Variants in PDZRN4 observed in about 807,000 individuals in gnomAD.
PDZRN4 encodes the protein PDZ domain-containing RING finger protein 4.
A neutral mutation model predicts 99.0 loss-of-function variants in PDZRN4; 70 were observed. That is an observed-to-expected ratio of 0.71 (90% CI 0.58 to 0.86). PDZRN4 has a LOEUF of 0.86. PDZRN4 is among the 40% of genes least tolerant of loss of function. The pLI is 0.00. For missense variants in PDZRN4, 1,474 were observed against 1,331.2 expected, an observed-to-expected ratio of 1.11 and a Z score of -1.67; for synonymous variants, 551 against 501.6, an observed-to-expected ratio of 1.10 and a Z score of -1.32.
At chr12:41,216,840 A>T (rs1485452357) in intron 3 of PDZRN4, among the ~76,000 whole-genome samples, 1 of 152,070 alleles carries the variant, frequency 6.6e-6, no homozygotes, top group Non-Finnish European at 1.5e-5. Flanking sequence ...AATAATCACC[A>T]AATCAACCTG....
intron 3 of PDZRN4, among the ~76,000 whole-genome samples, chr12:41,269,059 G>C (rs528367372): frequency 1.2e-4 from 18 of 152,228 alleles, no homozygotes; most frequent in African/African-American, 4.1e-4. Flanking sequence ...TTTAGGTTTA[G>C]CCTAGAGCAA....
At chr12:41,289,349 A>G (rs578072649) in intron 3 of PDZRN4, among the ~76,000 whole-genome samples, 1 of 152,338 alleles carries the variant, frequency 6.6e-6, no homozygotes, top group Non-Finnish European at 1.5e-5. Flanking sequence ...ATAATAGTAC[A>G]TTTTAATCCA....
intron 3 of PDZRN4, among the ~76,000 whole-genome samples, chr12:41,230,025 A>G (rs1376460946): frequency 6.6e-6 from 1 of 151,970 alleles, no homozygotes; most frequent in African/African-American, 2.4e-5. Flanking sequence ...ATTTCCTTAT[A>G]ATTCAACAGT....
At chr12:41,327,447 G>A (rs1951717255) in intron 3 of PDZRN4, among the ~76,000 whole-genome samples, 1 of 152,180 alleles carries the variant, frequency 6.6e-6, no homozygotes, top group Non-Finnish European at 1.5e-5. Context: ...TGTTATCACT[G>A]CTAGAGTATG....
At chr12:41,393,454 A>T (rs1002413661) in intron 3 of PDZRN4, among the ~76,000 whole-genome samples, 1 of 152,020 alleles carries the variant, frequency 6.6e-6, no homozygotes, top group African/African-American at 2.4e-5. Context: ...ATGGCTTTGT[A>T]TGACTTCTTA....
At chr12:41,281,488 G>T (rs1337164582) in intron 3 of PDZRN4, among the ~76,000 whole-genome samples, 1 of 152,162 alleles carries the variant, frequency 6.6e-6, no homozygotes, top group East Asian at 1.9e-4. Context: ...TAGAGTAATT[G>T]CTAACTAGAA....
intron 3 of PDZRN4, among the ~76,000 whole-genome samples, chr12:41,298,967 C>A (rs1379178638): frequency 6.6e-6 from 1 of 152,028 alleles, no homozygotes; most frequent in Non-Finnish European, 1.5e-5. Context: ...TCACTGCATC[C>A]CCCTTTGGCC....
At chr12:41,458,660 G>A (rs1225330223) in intron 3 of PDZRN4, among the ~76,000 whole-genome samples, 1 of 152,152 alleles carries the variant, frequency 6.6e-6, no homozygotes, top group African/African-American at 2.4e-5. Context: ...GAGTTGAGGA[G>A]GATGGACTGA....
intron 3 of PDZRN4, among the ~76,000 whole-genome samples, chr12:41,503,346 T>C (rs12822018): frequency 0.15 from 22,271 of 152,084 alleles, 1,704 homozygotes; most frequent in South Asian, 0.24. Context: ...TTGTATTTGA[T>C]TGTTCTTAGA....
chr12:41,503,423 A>T (rs1938144759), intron 3 of PDZRN4, among the ~76,000 whole-genome samples: 1 of 152,172 alleles, frequency 6.6e-6, no homozygotes. Context: ...TCATATAATA[A>T]ATAGCCATTG....
intron 3 of PDZRN4, among the ~76,000 whole-genome samples, chr12:41,438,279 A>G (rs1159435324): frequency 1.3e-5 from 2 of 152,198 alleles, no homozygotes; most frequent in African/African-American, 4.8e-5. Flanking sequence ...CAGGAGTAGC[A>G]CTGAGATCCA....
chr12:41,306,887 A>T lies in PDZRN4; in HGVS notation c.843+112699A>T, dbSNP rs77664902. 1.4e-3 allele frequency among the ~76,000 whole-genome samples: 219 copies of T among 152,280 alleles called. 4 individuals carry two copies. The highest frequency in any genetic ancestry group is 5.0e-3 in the African/African-American group (208 of 41,558). ...CTAAGATACTCCTCATTTCCATCTG[A>T]GACCTCCTCAGAACAGCTTTTACCA... On this transcript the variant is annotated intron_variant, in intron 3 of 9. Transcript: ENST00000402685.
At chr12:41,212,934 A>T (rs1950897435) in intron 3 of PDZRN4, among the ~76,000 whole-genome samples, 1 of 152,012 alleles carries the variant, frequency 6.6e-6, no homozygotes, top group Admixed American at 6.6e-5. Context: ...AAGAAAGCTG[A>T]TGGAAGAACG....
At chr12:41,287,360 T>C (rs1371202723) in intron 3 of PDZRN4, among the ~76,000 whole-genome samples, 1 of 152,176 alleles carries the variant, frequency 6.6e-6, no homozygotes, top group African/African-American at 2.4e-5. Flanking sequence ...CAAAATTGTA[T>C]CAAGTGAATT....
chr12:41,327,827 CAT>C (rs982973879), intron 3 of PDZRN4, among the ~76,000 whole-genome samples: 1 of 151,736 alleles, frequency 6.6e-6, no homozygotes, highest in African/African-American at 2.4e-5. Context: ...TGTGTGTGTG[CAT>C]GTGTGTGTGT....
intron 3 of PDZRN4, among the ~76,000 whole-genome samples, chr12:41,462,395 T>C (rs1372468933): frequency 1.3e-5 from 2 of 152,328 alleles, no homozygotes; most frequent in East Asian, 3.9e-4. Flanking sequence ...TTCATTATGC[T>C]TTAACTCTAA....
chr12:41,449,236 A>C (rs1952754709), intron 3 of PDZRN4, among the ~76,000 whole-genome samples: 1 of 152,082 alleles, frequency 6.6e-6, no homozygotes, highest in Admixed American at 6.6e-5. Context: ...CTTTGACTTG[A>C]GTAGGTCCTT....
chr12:41,447,055 G>A (rs1286089301), intron 3 of PDZRN4, among the ~76,000 whole-genome samples: 1 of 152,062 alleles, frequency 6.6e-6, no homozygotes, highest in Non-Finnish European at 1.5e-5. Context: ...ACACAAAAGT[G>A]AAGGGGCTTA....
intron 5 of PDZRN4, among the ~76,000 whole-genome samples, chr12:41,520,488 T>C (rs904209998): frequency 1.3e-5 from 2 of 152,130 alleles, no homozygotes; most frequent in African/African-American, 4.8e-5. Context: ...TGAGACTCTT[T>C]GGATATACCT....
Sources: allele counts gnomAD v4.1 joint callset (sites outside exome capture counted in the v4.1 genomes callset), GRCh38; gene constraint gnomAD v4.1.1; transcripts MANE v1.5; gene names NCBI Gene and HGNC (gene_info 2026-07-23, HGNC 2026-07-21).